Variants in DZIP1 observed in about 807,000 individuals in gnomAD.
The protein encoded by DZIP1 is DAZ interacting zinc finger protein 1, also known as cilium assembly protein DZIP1.
DZIP1 carries 97 observed loss-of-function variants against 107.6 expected under a neutral mutation model. That is an observed-to-expected ratio of 0.90 (90% CI 0.77 to 1.07). The LOEUF (loss-of-function observed/expected upper bound fraction) is 1.07, where lower values mean the gene tolerates loss of function less well. Among genes scored for constraint, DZIP1 ranks in the 50% least tolerant of loss-of-function variants. The pLI is 0.00. For missense variants in DZIP1, 1,035 were observed against 1,063.6 expected (o/e 0.97, Z 0.37); for synonymous variants, 390 against 386.4 (o/e 1.01, Z -0.11).
At chr13:95,613,402 A>T (rs1055128459) in intron 10 of DZIP1, among the ~76,000 whole-genome samples, 3 of 151,704 alleles carry the variant, frequency 2.0e-5, no homozygotes, top group Admixed American at 6.6e-5. Context: ...AATCCCATCT[A>T]CTCAGGAGGC....
At chr13:95,640,581 C>T (rs1378790969) in intron 5 of DZIP1, among the ~76,000 whole-genome samples, 2 of 151,978 alleles carry the variant, frequency 1.3e-5, no homozygotes, top group Non-Finnish European at 2.9e-5. Context: ...AAAAAAAATA[C>T]ATTGGTTTAT....
chr13:95,627,257 A>C (rs1422717613), intron 7 of DZIP1, among the ~76,000 whole-genome samples: 4 of 152,188 alleles, frequency 2.6e-5, no homozygotes, highest in Admixed American at 6.5e-5. Flanking sequence ...CATTCAATGA[A>C]AAAAGAATAG....
chr13:95,593,491 A>G (rs961508940), intron 16 of DZIP1, among the ~76,000 whole-genome samples: 1 of 152,246 alleles, frequency 6.6e-6, no homozygotes, highest in African/African-American at 2.4e-5. Context: ...AAATTATTCA[A>G]TCTGGCAACA....
intron 20 of DZIP1, 103 bp from the exon 21 acceptor site, chr13:95,586,239 G>A (rs2044157962): frequency 7.5e-6 from 7 of 929,402 alleles, no homozygotes; most frequent in Admixed American, 3.6e-5. Context: ...TCTAAGCTTT[G>A]GAAGTAATTA....
intron 9 of DZIP1, among the ~76,000 whole-genome samples, chr13:95,620,200 T>G (rs1176774236): frequency 2.0e-5 from 3 of 152,154 alleles, no homozygotes; most frequent in Non-Finnish European, 4.4e-5. Context: ...TCACAAGATC[T>G]GGTTGTTTAG....
At chr13:95,595,828 C>G (rs1418960703) in intron 15 of DZIP1, among the ~76,000 whole-genome samples, 1 of 152,170 alleles carries the variant, frequency 6.6e-6, no homozygotes, top group Non-Finnish European at 1.5e-5. Context: ...TTCTCTGGGA[C>G]TTGGGGCCAC....
intron 15 of DZIP1, among the ~76,000 whole-genome samples, chr13:95,597,259 C>T (rs1256993583): frequency 4.0e-5 from 6 of 150,922 alleles, no homozygotes; most frequent in Non-Finnish European, 5.9e-5. Context: ...CTCACTGAGT[C>T]GTTTTTCAAA....
In DZIP1 at chr13:95,640,531, A is replaced by C. The variant is rs2139485066; in HGVS notation, c.597+764T>G. Among the ~76,000 whole-genome samples, 2 of 152,158 alleles carry C rather than the reference A, an allele frequency of 1.3e-5. 1 individual carries two copies. The highest frequency in any genetic ancestry group is 4.1e-4 in the South Asian group (2 of 4,824). The stretch of plus-strand genomic sequence containing the variant: ...GCTTACTTCAATATCTTTCTCAATC[A>C]TTGTTTATACCTTCTGCACTTCCTC... On this transcript the variant is annotated intron_variant, in intron 5 of 22. Coordinates refer to ENST00000376829, the MANE Select transcript of DZIP1 (RefSeq NM_198968.4).
chr13:95,637,482 T>C (rs536003738), intron 5 of DZIP1, among the ~76,000 whole-genome samples: 29 of 152,272 alleles, frequency 1.9e-4, no homozygotes, highest in African/African-American at 6.5e-4. Flanking sequence ...CTCACACCTG[T>C]AGTCCCAGCT....
chr13:95,610,111 T>TGTGAGAGAGAGAGA lies in DZIP1; in HGVS notation c.1364-599_1364-598insTCTCTCTCTCTCAC, dbSNP rs368276400. Among the ~76,000 whole-genome samples, 395 of 126,704 alleles carry TGTGAGAGAGAGAGA rather than the reference T, an allele frequency of 3.1e-3. 6 individuals are homozygous for TGTGAGAGAGAGAGA. The highest frequency in any genetic ancestry group is 0.011 in the African/African-American group (370 of 34,228). The allele number at this position is 126,704 out of a possible 152,430, so 83.1% of individuals were successfully genotyped here. A position where few individuals can be genotyped will look rare whatever the true frequency, so the allele number is the denominator to read the frequency against. ...GTGTGTGTGTGTGTGTGTGTGTGTG[T>TGTGAGAGAGAGAGA]GAGAGAGAGACAGAGAGAGAGAGAC... is the stretch of plus-strand genomic sequence containing the variant. On this transcript the variant is annotated intron_variant, in intron 12 of 22. Coordinates refer to ENST00000376829, the MANE Select transcript of DZIP1 (RefSeq NM_198968.4).
In DZIP1 at chr13:95,644,656, T is replaced by G. The variant is rs1017278511; in HGVS notation, c.-805A>C. ...GATACCCCACCCCCCTCCCGCCCCC[T>G]CCCCTCCGCGATCTCCCTCCGGCCT... On this transcript the variant is annotated 5_prime_UTR_variant, in exon 1 of 23. Coordinates refer to ENST00000376829, the MANE Select transcript of DZIP1 (RefSeq NM_198968.4). The G allele has an allele frequency of 2.6e-5, 1 of 39,158 alleles. No individual in the cohort carries two copies. Among genetic ancestry groups the G allele is most frequent in the Non-Finnish European group, 5.6e-5 (1 of 17,948 alleles). 2.4% of individuals were successfully genotyped at this position (39,158 alleles called of 1,614,324 possible). A position where few individuals can be genotyped will look rare whatever the true frequency, so the allele number is the denominator to read the frequency against.
chr13:95,611,871 TA>T (rs1436109571), intron 11 of DZIP1, among the ~76,000 whole-genome samples, 165 bp downstream of exon 11: 1 of 152,230 alleles, frequency 6.6e-6, no homozygotes, highest in Non-Finnish European at 1.5e-5. Flanking sequence ...AAATACCTTT[TA>T]AAAATGTATT....
At chr13:95,605,612 A>G (rs1006342902) in intron 14 of DZIP1, among the ~76,000 whole-genome samples, 1 of 152,238 alleles carries the variant, frequency 6.6e-6, no homozygotes, top group Non-Finnish European at 1.5e-5. Context: ...TTGCTGCCAC[A>G]TTGAAAGTTA....
chr13:95,611,578 G>A, intron 11 of DZIP1, 85 bp from the exon 12 acceptor site: 1 of 1,141,898 alleles, frequency 8.8e-7, no homozygotes, highest in Non-Finnish European at 1.3e-6. Flanking sequence ...AATGTTGTTA[G>A]TAAATTAACC....
intron 7 of DZIP1, among the ~76,000 whole-genome samples, chr13:95,625,404 A>C (rs181374624): frequency 3.3e-5 from 5 of 152,342 alleles, no homozygotes; most frequent in African/African-American, 1.2e-4. Flanking sequence ...TTTAAAATCT[A>C]AATTGAGAAC....
chr13:95,622,232 T>A, intron 9 of DZIP1, 111 bp downstream of exon 9: 1 of 1,387,674 alleles, frequency 7.2e-7, no homozygotes, highest in Non-Finnish European at 9.9e-7. Context: ...CTAGTCACCT[T>A]CAGGGTTACT....
chr13:95,599,647 A>G (rs1316548955), intron 14 of DZIP1, among the ~76,000 whole-genome samples: 1 of 152,208 alleles, frequency 6.6e-6, no homozygotes, highest in African/African-American at 2.4e-5. Context: ...ACTCTACAGA[A>G]ATTATAGTTT....
rs540339666 is a variant in DZIP1 at position 95,591,893 on chromosome 13, A to C, written c.1681-1452T>G. On this transcript the variant is annotated intron_variant, in intron 16 of 22. Transcript: ENST00000376829. Reference sequence around the variant, plus strand: ...ACAAAACATGGAAGAATTACCAATAAATTTTTGAAATAAGACTAATGAAGA... The same window carrying C: ...ACAAAACATGGAAGAATTACCAATACATTTTTGAAATAAGACTAATGAAGA... 2.0e-5 allele frequency among the ~76,000 whole-genome samples: 3 copies of C among 152,344 alleles called. No homozygotes were observed. The South Asian group carries it at 6.2e-4, about 32-fold the overall frequency.
rs759183217 is a variant in DZIP1, at chr13:95,641,366, C to T, written c.526G>A (p.Glu176Lys). 4 of 1,614,128 alleles carry T rather than the reference C, an allele frequency of 2.5e-6. No individual in the cohort carries two copies. Among genetic ancestry groups the T allele is most frequent in the Non-Finnish European group, 3.4e-6 (4 of 1,179,988 alleles). ...ATCATCTTCTTCCGGCGTTTGCACT[C>T]TTCCTTGAGCGTCTTGATCTCCCCC... ...QAGEIKTLKE[E>K]CKRRKKMIST... Residue 176 changes from glutamate (E) to lysine (K), a missense_variant, in exon 5 of 23, where the codon GAG becomes AAG. Coordinates refer to ENST00000376829, the MANE Select transcript of DZIP1 (RefSeq NM_198968.4). The surrounding 1 kb of genome is among the most constrained non-coding windows in gnomAD (Gnocchi z 4.3).
Sources: gnomAD v4.1 joint callset for allele counts (sites outside exome capture counted in the v4.1 genomes callset) on GRCh38, gnomAD v4.1.1 for gene constraint, Gnocchi (gnomAD v3.1) non-coding constraint, MANE v1.5 for transcripts, NCBI Gene and HGNC (gene_info 2026-07-23, HGNC 2026-07-21) for gene names.